PPP2R5C: variants seen among roughly 807,000 people sequenced by gnomAD.
The protein encoded by PPP2R5C is serine/threonine-protein phosphatase 2A 56 kDa regulatory subunit gamma isoform.
PPP2R5C carries 7 observed loss-of-function variants against 68.9 expected under a neutral mutation model. The ratio of observed to expected loss-of-function variants is 0.10; its 90% confidence interval spans 0.06 to 0.19. PPP2R5C has a LOEUF of 0.19. PPP2R5C is among the 10% of genes least tolerant of loss of function. The probability of loss-of-function intolerance (pLI) is 1.00; values close to 1 mark genes in which losing one functional copy is unlikely to be tolerated. For missense variants in PPP2R5C, 348 were observed against 641.3 expected (o/e 0.54, Z 4.94); for synonymous variants, 210 against 222.2 (o/e 0.95, Z 0.49).
chr14:101,854,478 A>G (rs902680310), intron 1 of PPP2R5C, among the ~76,000 whole-genome samples: 2 of 152,246 alleles, frequency 1.3e-5, no homozygotes, highest in African/African-American at 4.8e-5. Flanking sequence ...AACAAGTGCC[A>G]GATGACTTGC....
At chr14:101,819,237 T>C (rs2039901752) in intron 1 of PPP2R5C, 4 of 669,658 alleles carry the variant, frequency 6.0e-6, no homozygotes, top group East Asian at 5.5e-5. Flanking sequence ...TGATAATCGC[T>C]CTCTTGGAAC....
At chr14:101,872,455 C>G (rs1182636909) in intron 2 of PPP2R5C, among the ~76,000 whole-genome samples, 1 of 152,038 alleles carries the variant, frequency 6.6e-6, no homozygotes, top group Admixed American at 6.6e-5. Context: ...CTAAGCTGGT[C>G]TCAAACTCCT....
At chr14:101,924,287 AT>A (rs1186545144) in intron 13 of PPP2R5C, among the ~76,000 whole-genome samples, 12 of 151,246 alleles carry the variant, frequency 7.9e-5, no homozygotes, top group Admixed American at 2.0e-4. Flanking sequence ...GATTCACTTA[AT>A]TTTTTTTTAA....
rs1276759901 is a variant in PPP2R5C at position 101,913,329 on chromosome 14, A to C, written c.1326+856A>C. 6.6e-6 allele frequency among the ~76,000 whole-genome samples: 1 copy of C among 152,252 alleles called. No individual in the cohort carries two copies. Among genetic ancestry groups the C allele is most frequent in the Non-Finnish European group, 1.5e-5 (1 of 68,040 alleles). On this transcript the variant is annotated intron_variant, in intron 12 of 13. Coordinates refer to ENST00000334743, the Ensembl canonical transcript of PPP2R5C. This position sits in a 1 kb window ranked among gnomAD's most constrained non-coding sequence, Gnocchi z 4.1. ...CTTTTAGTGAGAGATATGCATAGTT[A>C]CCTAAGTTGGTTTTTAGATTTCTCT...
chr14:101,922,479 A>T (rs1317059291), intron 13 of PPP2R5C, among the ~76,000 whole-genome samples: 7 of 135,202 alleles, frequency 5.2e-5, no homozygotes, highest in Non-Finnish European at 7.6e-5. Context: ...ACAGAGCGAG[A>T]CTCTGTGTCA....
chr14:101,793,614 C>A (rs2140103376), intron 3 of PPP2R5C, among the ~76,000 whole-genome samples: 1 of 152,268 alleles, frequency 6.6e-6, no homozygotes, highest in South Asian at 2.1e-4. Context: ...TCCCTGAAGC[C>A]CCAGAGAAAG....
chr14:101,833,026 G>A (rs554265645), intron 1 of PPP2R5C, among the ~76,000 whole-genome samples: 3 of 152,220 alleles, frequency 2.0e-5, no homozygotes, highest in Admixed American at 6.5e-5. Flanking sequence ...CATCTGAAAC[G>A]TGCTGGAATC....
At chr14:101,845,814 A>G (rs1257575262) in intron 1 of PPP2R5C, among the ~76,000 whole-genome samples, 1 of 152,208 alleles carries the variant, frequency 6.6e-6, no homozygotes, top group Admixed American at 6.5e-5. Context: ...ACCTTGGTAC[A>G]TGTGTACAAC....
intron 2 of PPP2R5C, among the ~76,000 whole-genome samples, chr14:101,783,822 C>G (rs1443424400): frequency 6.6e-6 from 1 of 152,246 alleles, no homozygotes. Context: ...AGAACATTAT[C>G]TACTGGAACA....
chr14:101,821,290 G>A (rs1285956399), intron 1 of PPP2R5C, among the ~76,000 whole-genome samples: 1 of 151,528 alleles, frequency 6.6e-6, no homozygotes, highest in African/African-American at 2.4e-5. Flanking sequence ...ATGTGAATAC[G>A]GCCCCATTTA....
rs1391158467 is a variant in PPP2R5C, at chr14:101,916,447, G to A, written c.1327-1384G>A. ...GGGAAAAGGCCGAAGACAGCCCACA[G>A]AGGAAGGAGCCCAAGGCACCTGGAG... is the stretch of plus-strand genomic sequence containing the variant. On this transcript the variant is annotated intron_variant, in intron 12 of 13. Coordinates refer to ENST00000334743, the Ensembl canonical transcript of PPP2R5C. The surrounding 1 kb of genome is among the most constrained non-coding windows in gnomAD (Gnocchi z 5.5). Among the ~76,000 whole-genome samples the A allele has an allele frequency of 6.6e-6, 1 of 152,224 alleles. No homozygotes were observed. Among genetic ancestry groups the A allele is most frequent in the South Asian group, 2.1e-4 (1 of 4,830 alleles).
chr14:101,787,489 C>T (rs141032353), intron 3 of PPP2R5C, among the ~76,000 whole-genome samples: 49 of 151,838 alleles, frequency 3.2e-4, no homozygotes, highest in East Asian at 9.7e-4. Context: ...CTCGGCCGGG[C>T]GCAGTGGCTC....
intron 1 of PPP2R5C, among the ~76,000 whole-genome samples, chr14:101,816,571 A>G (rs1467712502): frequency 6.6e-6 from 1 of 152,162 alleles, no homozygotes; most frequent in Non-Finnish European, 1.5e-5. Flanking sequence ...AGTGGAGTGC[A>G]GAATGATGTT....
intron 5 of PPP2R5C, among the ~76,000 whole-genome samples, chr14:101,885,680 C>CG (rs1391412314): frequency 6.6e-6 from 1 of 152,216 alleles, no homozygotes; most frequent in African/African-American, 2.4e-5. Context: ...AAATGGAGCC[C>CG]GGTGCTGGAC....
chr14:101,836,865 G>T (rs142415067), intron 1 of PPP2R5C, among the ~76,000 whole-genome samples: 2 of 152,206 alleles, frequency 1.3e-5, no homozygotes, highest in South Asian at 4.1e-4. Flanking sequence ...ATGAAACAGG[G>T]TTATTCATCA....
At chr14:101,794,610 C>A (rs1216572467) in intron 3 of PPP2R5C, among the ~76,000 whole-genome samples, 1 of 152,132 alleles carries the variant, frequency 6.6e-6, no homozygotes, top group Admixed American at 6.5e-5. Flanking sequence ...GTGATGTGTG[C>A]CTCCTCTAAG....
chr14:101,830,163 A>AT (rs2040651826), intron 1 of PPP2R5C, among the ~76,000 whole-genome samples: 2 of 152,138 alleles, frequency 1.3e-5, no homozygotes, highest in Non-Finnish European at 2.9e-5. Context: ...TCTCCCATTC[A>AT]TTTTTCAAGA....
chr14:101,873,703 G>C (rs1350861559), intron 2 of PPP2R5C, among the ~76,000 whole-genome samples: 1 of 152,166 alleles, frequency 6.6e-6, no homozygotes, highest in Non-Finnish European at 1.5e-5. Flanking sequence ...ATAAATCACT[G>C]TAGTTCTTCT....
chr14:101,761,687 TGCC>T (rs1172580916), upstream of PPP2R5C: 818 of 220,220 alleles, frequency 3.7e-3, no homozygotes, highest in Non-Finnish European at 4.8e-3. Flanking sequence ...ACGCCGCCGC[TGCC>T]GCCGCCGCCG....
Sources: allele counts gnomAD v4.1 joint callset (sites outside exome capture counted in the v4.1 genomes callset), GRCh38; gene constraint gnomAD v4.1.1; non-coding constraint Gnocchi (gnomAD v3.1); transcripts MANE v1.5; gene names NCBI Gene and HGNC (gene_info 2026-07-23, HGNC 2026-07-21).